Variants in CTTNBP2 observed in about 807,000 individuals in gnomAD.
CTTNBP2 encodes cortactin binding protein 2, also known as cortactin-binding protein 2.
A neutral mutation model predicts 156.9 loss-of-function variants in CTTNBP2; 108 were observed. That is an observed-to-expected ratio of 0.69 (90% CI 0.59 to 0.81). The LOEUF (loss-of-function observed/expected upper bound fraction) is 0.81. Among genes scored for constraint, CTTNBP2 ranks in the 30% least tolerant of loss-of-function variants. CTTNBP2 has a pLI of 0.00. For synonymous variants in CTTNBP2, 767 were observed against 751.8 expected (o/e 1.02, Z -0.33); for missense variants, 1,924 against 2,035.4 (o/e 0.95, Z 1.05).
intron 14 of CTTNBP2, among the ~76,000 whole-genome samples, chr7:117,742,115 C>T (rs1013373430): frequency 2.0e-5 from 3 of 152,130 alleles, no homozygotes; most frequent in South Asian, 2.1e-4. Flanking sequence ...ATCACAGAAG[C>T]GTCATTTGAG....
At chr7:117,867,005 T>C (rs967817783) in intron 1 of CTTNBP2, among the ~76,000 whole-genome samples, 4 of 152,204 alleles carry the variant, frequency 2.6e-5, no homozygotes, top group Admixed American at 6.5e-5. Flanking sequence ...ACCATCACAA[T>C]GCAAAGGCTG....
intron 12 of CTTNBP2, among the ~76,000 whole-genome samples, chr7:117,751,093 A>G (rs1796597797): frequency 6.6e-6 from 1 of 152,218 alleles, no homozygotes; most frequent in Non-Finnish European, 1.5e-5. Flanking sequence ...TTTGTGAGCC[A>G]AACAGATTCT....
At chr7:117,721,156 A>G (rs1338825236) in intron 19 of CTTNBP2, 26 bp from the exon 20 acceptor site, 3 of 1,299,896 alleles carry the variant, frequency 2.3e-6, no homozygotes, top group East Asian at 4.6e-5. Flanking sequence ...ACCATTTTCA[A>G]TAGATCATTA....
At chr7:117,724,924 GT>G (rs1262106861) in intron 18 of CTTNBP2, 127 bp downstream of exon 18, 4 of 1,065,360 alleles carry the variant, frequency 3.8e-6, no homozygotes, top group Non-Finnish European at 5.5e-6. Flanking sequence ...TAAAATCACA[GT>G]TCTGGAACAC....
intron 2 of CTTNBP2, among the ~76,000 whole-genome samples, chr7:117,850,592 C>A (rs1462369041): frequency 6.6e-6 from 1 of 152,088 alleles, no homozygotes; most frequent in Non-Finnish European, 1.5e-5. Flanking sequence ...TCCAGGGAAA[C>A]CTAAGTAGGT....
At chr7:117,783,823 A>G (rs1020028813) in intron 5 of CTTNBP2, among the ~76,000 whole-genome samples, 11 of 152,136 alleles carry the variant, frequency 7.2e-5, no homozygotes, top group African/African-American at 2.4e-4. Context: ...TAGTTACACA[A>G]CTTCTCGGTT....
At chr7:117,858,317 C>T (rs749492414) in intron 2 of CTTNBP2, among the ~76,000 whole-genome samples, 2 of 152,132 alleles carry the variant, frequency 1.3e-5, no homozygotes, top group South Asian at 4.2e-4. Flanking sequence ...TTGCAGTGAG[C>T]CGAGATCGCA....
At chr7:117,870,618 T>A (rs1804524445) in intron 1 of CTTNBP2, among the ~76,000 whole-genome samples, 2 of 152,198 alleles carry the variant, frequency 1.3e-5, no homozygotes, top group Non-Finnish European at 2.9e-5. Context: ...TCTAAAAAGA[T>A]CTCCATTTTC....
At chr7:117,717,312 AAAATT>A (rs1794459569) in intron 22 of CTTNBP2, among the ~76,000 whole-genome samples, 1 of 151,254 alleles carries the variant, frequency 6.6e-6, no homozygotes, top group Non-Finnish European at 1.5e-5. Context: ...AGGATGAAAT[AAAATT>A]GAGATTTTTT....
At chr7:117,720,934 A>T in intron 20 of CTTNBP2, 133 bp downstream of exon 20, 1 of 695,826 alleles carries the variant, frequency 1.4e-6, no homozygotes, top group East Asian at 2.7e-5. Context: ...CATTTGAATG[A>T]CATATATAAC....
chr7:117,758,454 G>A (rs1185398189), intron 10 of CTTNBP2, among the ~76,000 whole-genome samples: 1 of 152,014 alleles, frequency 6.6e-6, no homozygotes, highest in Non-Finnish European at 1.5e-5. Context: ...GAACAAGGCA[G>A]GCCTTCTCCC....
Position 117,758,107 on chromosome 7 carries a change from T to C in CTTNBP2, c.3173-137A>G, listed in dbSNP as rs565494610. 2.1e-5 allele frequency: 13 copies of C among 620,952 alleles called. No homozygotes were observed. The East Asian group carries it at 3.4e-4, about 16-fold the overall frequency. 38.5% of individuals were successfully genotyped at this position (620,952 alleles called of 1,614,324 possible). On this transcript the variant is annotated intron_variant, in intron 10 of 22. Coordinates refer to ENST00000160373, the MANE Select transcript of CTTNBP2 (RefSeq NM_033427.3). ...TTGTCAAAGGCATGTACGGAACACA[T>C]ATAGGGCCACACAAGGGGTTAGCTC...
chr7:117,729,411 G>A (rs1455978646), intron 16 of CTTNBP2, among the ~76,000 whole-genome samples: 1 of 152,168 alleles, frequency 6.6e-6, no homozygotes, highest in Non-Finnish European at 1.5e-5. Flanking sequence ...GTAACCACAT[G>A]TTTTTATTTC....
chr7:117,834,800 T>A (rs1324016068), intron 2 of CTTNBP2, among the ~76,000 whole-genome samples: 1 of 152,264 alleles, frequency 6.6e-6, no homozygotes, highest in African/African-American at 2.4e-5. Context: ...TGAGATTTTA[T>A]AATTTATTCT....
chr7:117,755,212 C>T (rs1796820779), intron 12 of CTTNBP2, among the ~76,000 whole-genome samples: 1 of 152,214 alleles, frequency 6.6e-6, no homozygotes, highest in Non-Finnish European at 1.5e-5. Context: ...CTTTTCTACA[C>T]TGTGAGGCTT....
At chr7:117,746,855 A>G (rs941747119) in intron 12 of CTTNBP2, among the ~76,000 whole-genome samples, 2 of 152,206 alleles carry the variant, frequency 1.3e-5, no homozygotes, top group Non-Finnish European at 2.9e-5. Context: ...GTATGCTTAT[A>G]TATATTTTTT....
intron 2 of CTTNBP2, among the ~76,000 whole-genome samples, chr7:117,851,662 A>G (rs992973344): frequency 2.0e-5 from 3 of 152,198 alleles, no homozygotes; most frequent in African/African-American, 7.2e-5. Context: ...GTATCTATTA[A>G]GACTTTCTGA....
chr7:117,799,191 T>C (rs1209074622), intron 3 of CTTNBP2, among the ~76,000 whole-genome samples: 1 of 151,802 alleles, frequency 6.6e-6, no homozygotes, highest in Non-Finnish European at 1.5e-5. Flanking sequence ...ATTACCTTTA[T>C]ACAAAACAAA....
At chr7:117,766,683 A>T (rs1249343744) in intron 9 of CTTNBP2, among the ~76,000 whole-genome samples, 5 of 152,204 alleles carry the variant, frequency 3.3e-5, no homozygotes, top group African/African-American at 1.2e-4. Flanking sequence ...AGGTGCTGGG[A>T]GACAACCAAC....
Sources: allele counts gnomAD v4.1 joint callset (sites outside exome capture counted in the v4.1 genomes callset), GRCh38; gene constraint gnomAD v4.1.1; transcripts MANE v1.5; gene names NCBI Gene and HGNC (gene_info 2026-07-23, HGNC 2026-07-21).